PIK3R6: variants seen among roughly 807,000 people sequenced by gnomAD.
PIK3R6 encodes phosphoinositide 3-kinase regulatory subunit 6.
A neutral mutation model predicts 84.9 loss-of-function variants in PIK3R6; 91 were observed. The observed-to-expected ratio is 1.07, with a 90% confidence interval of 0.90 to 1.28. PIK3R6 has a LOEUF of 1.28. Ranked by LOEUF, PIK3R6 falls within the 50% of genes most tolerant of loss-of-function variation. PIK3R6 has a pLI of 0.00. For missense variants in PIK3R6, 996 were observed against 985.1 expected (o/e 1.01, Z -0.15); for synonymous variants, 416 against 411.4 (o/e 1.01, Z -0.13).
intron 2 of PIK3R6, among the ~76,000 whole-genome samples, chr17:8,841,043 C>T (rs1011245494): frequency 2.0e-5 from 3 of 152,142 alleles, no homozygotes; most frequent in African/African-American, 7.2e-5. Context: ...TGAGCCACCA[C>T]GCCAAGCCTT....
chr17:8,829,266 GAC>G (rs1187854389), intron 10 of PIK3R6, among the ~76,000 whole-genome samples: 12 of 144,976 alleles, frequency 8.3e-5, no homozygotes, highest in Admixed American at 1.4e-4. Flanking sequence ...TACACACACA[GAC>G]ACACTGACAC....
chr17:8,861,901 T>G (rs1476923048), intron 1 of PIK3R6, among the ~76,000 whole-genome samples: 2 of 152,232 alleles, frequency 1.3e-5, no homozygotes, highest in African/African-American at 4.8e-5. Context: ...TATGTTGAAG[T>G]AGCTAAGATC....
intron 18 of PIK3R6, 73 bp downstream of exon 18, chr17:8,819,010 C>A: frequency 8.6e-7 from 1 of 1,160,268 alleles, no homozygotes; most frequent in Non-Finnish European, 1.2e-6. Context: ...TGAATGCCCT[C>A]CCCTCTGGGC....
At chr17:8,852,581 A>G (rs1280416007) in intron 1 of PIK3R6, among the ~76,000 whole-genome samples, 2 of 152,002 alleles carry the variant, frequency 1.3e-5, no homozygotes, top group Non-Finnish European at 2.9e-5. Context: ...CTACTAAAAA[A>G]TAAAAAAATT....
In PIK3R6 at chr17:8,836,635, T is replaced by C; in HGVS notation, c.392-19A>G. On this transcript the variant is annotated intron_variant, in intron 6 of 19. Transcript: ENST00000619866. The stretch of plus-strand genomic sequence containing the variant: ...AGTGTCCCTGCAAACCAGACCACTT[T>C]GGCCAAACAGCCCCCAAGTCTCTGA... The C allele has an allele frequency of 6.2e-7, 1 of 1,613,954 alleles. No homozygotes were observed. Among genetic ancestry groups the C allele is most frequent in the Non-Finnish European group, 8.5e-7 (1 of 1,179,884 alleles).
At chr17:8,826,262 T>A (rs2087912353) in intron 13 of PIK3R6, among the ~76,000 whole-genome samples, 1 of 152,172 alleles carries the variant, frequency 6.6e-6, no homozygotes, top group African/African-American at 2.4e-5. Context: ...GCATAAGTGC[T>A]CAGGAAACAT....
At chr17:8,852,094 C>A (rs11658745) in intron 1 of PIK3R6, among the ~76,000 whole-genome samples, 4,235 of 152,150 alleles carry the variant, frequency 0.028, 81 homozygotes, top group Non-Finnish European at 0.044. Context: ...GCAGAGACAG[C>A]AAGTATGACA....
At chr17:8,815,495 ACT>A (rs887532732) in intron 18 of PIK3R6, among the ~76,000 whole-genome samples, 9 of 150,380 alleles carry the variant, frequency 6.0e-5, no homozygotes, top group Admixed American at 4.0e-4. Flanking sequence ...ACAGAGTGAG[ACT>A]CAGTCTCAGA....
chr17:8,865,630 AG>A (rs1460263548), intron 1 of PIK3R6, among the ~76,000 whole-genome samples: 1 of 135,166 alleles, frequency 7.4e-6, no homozygotes, highest in Admixed American at 7.4e-5. Flanking sequence ...TTTGGATCGG[AG>A]CGTGTGGTGA....
chr17:8,820,507 C>T (rs1336237564), intron 17 of PIK3R6, among the ~76,000 whole-genome samples: 2 of 152,168 alleles, frequency 1.3e-5, no homozygotes, highest in Non-Finnish European at 2.9e-5. Flanking sequence ...ACCTGCCCAT[C>T]TGGCCCTGGC....
At chr17:8,809,970 A>T (rs2314022) in intron 18 of PIK3R6, among the ~76,000 whole-genome samples, 5,748 of 152,242 alleles carry the variant, frequency 0.038, 383 homozygotes, top group African/African-American at 0.13. Context: ...ATTCTAAATA[A>T]ATATGCACCC....
At position 8,843,096 on chromosome 17, in the gene PIK3R6, T is replaced by A. The variant is rs552767256; in HGVS notation, c.14-3399A>T. ...ACTACAGCCACATCTGCCCACCTGGTCCCTCTGCTGGGCAGAGCATCATCT... is the reference window on the plus strand; with the variant it reads ...ACTACAGCCACATCTGCCCACCTGGACCCTCTGCTGGGCAGAGCATCATCT... On this transcript the variant is annotated intron_variant, in intron 2 of 19. Transcript: ENST00000619866. Among the ~76,000 whole-genome samples, 7 of 152,230 alleles carry A rather than the reference T, an allele frequency of 4.6e-5. No individual in the cohort carries two copies. The South Asian group carries it at 1.5e-3, about 32-fold the overall frequency.
At chr17:8,856,790 A>G (rs1024707124) in intron 1 of PIK3R6, among the ~76,000 whole-genome samples, 3 of 151,748 alleles carry the variant, frequency 2.0e-5, no homozygotes, top group Non-Finnish European at 4.4e-5. Context: ...ACATTTCTAC[A>G]TTTTCTGATT....
chr17:8,860,213 C>T (rs1269289286), intron 1 of PIK3R6, among the ~76,000 whole-genome samples: 1 of 152,060 alleles, frequency 6.6e-6, no homozygotes, highest in African/African-American at 2.4e-5. Flanking sequence ...ATCCGTGGGC[C>T]GTTAGGAACT....
At chr17:8,832,844 C>A (rs765057299) in intron 9 of PIK3R6, 45 bp downstream of exon 9, 56 of 1,610,700 alleles carry the variant, frequency 3.5e-5, no homozygotes, top group Non-Finnish European at 4.5e-5. Flanking sequence ...AGTGAGCTGC[C>A]CCCGCGGGAC....
At chr17:8,822,974 C>T (rs765417178) in intron 15 of PIK3R6, 22 bp downstream of exon 15, 1 of 1,565,180 alleles carries the variant, frequency 6.4e-7, no homozygotes, top group South Asian at 1.1e-5. Context: ...TGACCTTTGG[C>T]AAAAGGGAGG....
At chr17:8,821,578 C>T (rs572777539) in intron 17 of PIK3R6, among the ~76,000 whole-genome samples, 26 of 152,276 alleles carry the variant, frequency 1.7e-4, no homozygotes, top group African/African-American at 2.6e-4. Context: ...GTCCCAATTC[C>T]GTGGCAGGAG....
intron 1 of PIK3R6, among the ~76,000 whole-genome samples, chr17:8,853,502 A>T (rs925364229): frequency 7.1e-6 from 1 of 141,098 alleles, no homozygotes; most frequent in African/African-American, 2.6e-5. Context: ...AAAAAAAATA[A>T]TAATAATAAT....
rs566101974 is a variant in PIK3R6, at chr17:8,844,678, C to T, written c.14-4981G>A. On this transcript the variant is annotated intron_variant, in intron 2 of 19. Coordinates refer to ENST00000619866, the MANE Select transcript of PIK3R6 (RefSeq NM_001010855.4). The surrounding 1 kb of genome is among the most constrained non-coding windows in gnomAD (Gnocchi z 4.5). ...GGAGGTACATGTGCAGGTTTGTTAC[C>T]CGGATATATTGCTTGATGCTGAGGT... Among the ~76,000 whole-genome samples the T allele has an allele frequency of 1.3e-4, 19 of 150,958 alleles. No homozygotes were observed. The highest frequency in any genetic ancestry group is 1.2e-3 in the Admixed American group (18 of 15,152).
Sources: gnomAD v4.1 joint callset for allele counts (sites outside exome capture counted in the v4.1 genomes callset) on GRCh38, gnomAD v4.1.1 for gene constraint, Gnocchi (gnomAD v3.1) non-coding constraint, MANE v1.5 for transcripts, NCBI Gene and HGNC (gene_info 2026-07-23, HGNC 2026-07-21) for gene names.